The following SH3PXD2A variants were observed in gnomAD, a reference collection of about 807,000 sequenced individuals.
SH3PXD2A encodes SH3 and PX domains 2A, also known as SH3 and PX domain-containing protein 2A.
SH3PXD2A carries 32 observed loss-of-function variants against 115.2 expected under a neutral mutation model. That is an observed-to-expected ratio of 0.28 (90% CI 0.21 to 0.37). SH3PXD2A has a LOEUF of 0.37. Among genes scored for constraint, SH3PXD2A ranks in the 10% least tolerant of loss-of-function variants. SH3PXD2A has a pLI of 1.00. For missense variants in SH3PXD2A, 1,328 were observed against 1,498.7 expected, an observed-to-expected ratio of 0.89 and a Z score of 1.88; for synonymous variants, 610 against 629.1, an observed-to-expected ratio of 0.97 and a Z score of 0.45.
chr10:103,649,680 C>G (rs1190258972), intron 8 of SH3PXD2A, among the ~76,000 whole-genome samples: 2 of 152,238 alleles, frequency 1.3e-5, no homozygotes, highest in African/African-American at 4.8e-5. Flanking sequence ...ATCGCAGCAG[C>G]TCAAGATGCT....
At chr10:103,720,914 C>A (rs2038174396) in intron 5 of SH3PXD2A, among the ~76,000 whole-genome samples, 1 of 152,190 alleles carries the variant, frequency 6.6e-6, no homozygotes, top group Non-Finnish European at 1.5e-5. Flanking sequence ...GGAGGGGGAG[C>A]CCCTCAGAAC....
intron 2 of SH3PXD2A, among the ~76,000 whole-genome samples, chr10:103,788,605 G>A (rs886836677): frequency 3.3e-5 from 5 of 151,988 alleles, no homozygotes; most frequent in Non-Finnish European, 5.9e-5. Context: ...GGTGGCTCAC[G>A]CCTGTAATCC....
chr10:103,647,030 G>C (rs2037046155), intron 8 of SH3PXD2A, among the ~76,000 whole-genome samples: 1 of 152,128 alleles, frequency 6.6e-6, no homozygotes. Context: ...GGGAGGTCTA[G>C]ACGGAGTCAG....
chr10:103,837,000 T>A (rs1020399832), intron 1 of SH3PXD2A, among the ~76,000 whole-genome samples: 1 of 152,144 alleles, frequency 6.6e-6, no homozygotes, highest in Admixed American at 6.5e-5. Context: ...GATATTAGAT[T>A]TCTATTATCC....
chr10:103,678,420 C>T (rs868025806), intron 6 of SH3PXD2A, among the ~76,000 whole-genome samples: 2 of 152,220 alleles, frequency 1.3e-5, no homozygotes, highest in Non-Finnish European at 2.9e-5. Flanking sequence ...ATGAGAGGGT[C>T]GGGAGTGTGC....
chr10:103,648,341 TG>T (rs2037066958), intron 8 of SH3PXD2A, among the ~76,000 whole-genome samples: 1 of 152,172 alleles, frequency 6.6e-6, no homozygotes, highest in Non-Finnish European at 1.5e-5. Context: ...TCATGGCTCT[TG>T]TTTAACTTGA....
At chr10:103,775,387 T>G (rs758506286) in intron 2 of SH3PXD2A, among the ~76,000 whole-genome samples, 3 of 152,036 alleles carry the variant, frequency 2.0e-5, no homozygotes, top group Admixed American at 6.6e-5. Flanking sequence ...CTAGCAGCAT[T>G]AAGTGGGTGT....
intron 6 of SH3PXD2A, among the ~76,000 whole-genome samples, chr10:103,688,500 T>C (rs1363468754): frequency 6.6e-6 from 1 of 152,178 alleles, no homozygotes; most frequent in African/African-American, 2.4e-5. Flanking sequence ...GGCTGGACAG[T>C]GCAGGATCAG....
intron 3 of SH3PXD2A, among the ~76,000 whole-genome samples, chr10:103,739,925 C>G (rs973721868): frequency 1.3e-5 from 2 of 152,196 alleles, no homozygotes; most frequent in Non-Finnish European, 2.9e-5. Flanking sequence ...CAAGTCCTAC[C>G]TGGGCCACAG....
At chr10:103,773,696 C>A (rs1463314577) in intron 2 of SH3PXD2A, among the ~76,000 whole-genome samples, 1 of 152,174 alleles carries the variant, frequency 6.6e-6, no homozygotes, top group Non-Finnish European at 1.5e-5. Context: ...CTGCCTCAGC[C>A]TCCCAAAGTA....
intron 6 of SH3PXD2A, among the ~76,000 whole-genome samples, chr10:103,691,716 G>A (rs942309370): frequency 4.6e-5 from 7 of 151,850 alleles, no homozygotes; most frequent in Admixed American, 3.9e-4. Context: ...CACAAACACA[G>A]ACTCCAACCC....
intron 1 of SH3PXD2A, among the ~76,000 whole-genome samples, chr10:103,827,179 C>A (rs2039438603): frequency 6.6e-6 from 1 of 152,062 alleles, no homozygotes; most frequent in African/African-American, 2.4e-5. Flanking sequence ...GAAACTAGGC[C>A]CTCAGCAAGT....
rs947813210 is a variant in SH3PXD2A at position 103,627,631 on chromosome 10, A to G, written c.605-429T>C. ...CTTTCAAGCTAAGTGCCTCACAGACAGTCTCTAACGGTCAACGGTTGCCTT... is the reference window on the plus strand; with the variant it reads ...CTTTCAAGCTAAGTGCCTCACAGACGGTCTCTAACGGTCAACGGTTGCCTT... On this transcript the variant is annotated intron_variant, in intron 8 of 14. Transcript: ENST00000369774. The surrounding 1 kb of genome is among the most constrained non-coding windows in gnomAD (Gnocchi z 4.4). Among the ~76,000 whole-genome samples, 1 of 152,238 alleles carries G rather than the reference A, an allele frequency of 6.6e-6. No individual in the cohort carries two copies. Among genetic ancestry groups the G allele is most frequent in the Non-Finnish European group, 1.5e-5 (1 of 68,036 alleles).
intron 6 of SH3PXD2A, among the ~76,000 whole-genome samples, chr10:103,676,775 C>T (rs2037539578): frequency 6.6e-6 from 1 of 152,094 alleles, no homozygotes; most frequent in African/African-American, 2.4e-5. Flanking sequence ...CTCACCTCTC[C>T]CCACCCCAGG....
intron 9 of SH3PXD2A, among the ~76,000 whole-genome samples, chr10:103,624,435 C>T (rs554889348): frequency 5.9e-5 from 9 of 152,314 alleles, no homozygotes; most frequent in East Asian, 1.9e-4. Context: ...AGAGGTAACA[C>T]ACCTCTCCTG....
intron 6 of SH3PXD2A, among the ~76,000 whole-genome samples, chr10:103,688,744 A>T (rs898068275): frequency 6.6e-6 from 1 of 152,192 alleles, no homozygotes; most frequent in African/African-American, 2.4e-5. Flanking sequence ...GCCAAGTCAC[A>T]CAAGCTCTGT....
At chr10:103,638,954 G>A (rs913842916) in intron 8 of SH3PXD2A, among the ~76,000 whole-genome samples, 13 of 152,194 alleles carry the variant, frequency 8.5e-5, no homozygotes, top group African/African-American at 2.9e-4. Flanking sequence ...CTGAAAACAT[G>A]TGGGTCTGAT....
At chr10:103,611,670 G>C (rs774358631) in intron 12 of SH3PXD2A, 40 bp from the exon 13 acceptor site, 2 of 1,548,412 alleles carry the variant, frequency 1.3e-6, no homozygotes, top group Admixed American at 1.7e-5. Context: ...CTAGTCAGAC[G>C]ATGGGCAACA....
chr10:103,724,379 G>T lies in SH3PXD2A; in HGVS notation c.307-18C>A, dbSNP rs771420953. ...ACAAGTGCCTGTGGAGAGACAGGAA[G>T]AAAGGGCATTAGGTGTGATGAACTT... is the stretch of plus-strand genomic sequence containing the variant. On this transcript the variant is annotated intron_variant, in intron 4 of 14. Coordinates refer to ENST00000369774, the MANE Select transcript of SH3PXD2A (RefSeq NM_001394015.1). The T allele has an allele frequency of 2.7e-6, 4 of 1,487,992 alleles. No individual in the cohort carries two copies. The Admixed American group carries it at 7.7e-5, about 29-fold the overall frequency. 92.2% of individuals were successfully genotyped at this position (1,487,992 alleles called of 1,614,324 possible).
Sources: allele counts gnomAD v4.1 joint callset (sites outside exome capture counted in the v4.1 genomes callset), GRCh38; gene constraint gnomAD v4.1.1; non-coding constraint Gnocchi (gnomAD v3.1); transcripts MANE v1.5; gene names NCBI Gene and HGNC (gene_info 2026-07-23, HGNC 2026-07-21).